The following ATG2B variants were observed in gnomAD, a reference collection of about 807,000 sequenced individuals.
ATG2B encodes the protein autophagy related 2B.
In ATG2B, 121 loss-of-function variants were observed where a neutral mutation model predicts 241.3. The observed-to-expected ratio is 0.50, with a 90% confidence interval of 0.43 to 0.58. The LOEUF (loss-of-function observed/expected upper bound fraction) is 0.58. Among genes scored for constraint, ATG2B ranks in the 20% least tolerant of loss-of-function variants. The probability of loss-of-function intolerance (pLI) is 0.00; values close to 1 mark genes in which losing one functional copy is unlikely to be tolerated. For missense variants in ATG2B, 2,306 were observed against 2,491.6 expected (o/e 0.93, Z 1.59); for synonymous variants, 858 against 876.6 (o/e 0.98, Z 0.37).
At chr14:96,305,280 TC>T (rs933015516) in intron 31 of ATG2B, among the ~76,000 whole-genome samples, 58 of 152,140 alleles carry the variant, frequency 3.8e-4, no homozygotes, top group African/African-American at 1.3e-3. Flanking sequence ...CCTCTGTCAC[TC>T]ACATGACTCA....
rs368330464 is a variant in ATG2B, at chr14:96,341,594, C to T, written c.852G>A (p.Gln284=). 4 of 1,606,496 alleles carry T rather than the reference C, an allele frequency of 2.5e-6. No homozygotes were observed. In the African/African-American group the frequency reaches 5.3e-5, roughly 21 times the overall value. The change falls in exon 6 of 42, where the codon CAG becomes CAA. Residue 284 remains glutamine (Q), a synonymous_variant. Coordinates refer to ENST00000359933, the MANE Select transcript of ATG2B (RefSeq NM_018036.7). ...CCAACCTACCAATTAACCGTCCAAT[C>T]TGCACTGGGTCAGAAGGTGCTATCT... ...LPEIAPSDPV[Q]IGRLIGRLEL...
chr14:96,331,436 G>A lies in ATG2B; in HGVS notation c.1670C>T (p.Thr557Ile). ...TGCTCGGAAAGACTTAAAATCTTCT[G>A]TTGAAAATCTTGCTGGATCAATCTT... ...IEKIDPARFS[T>I]EDFKSFRAVF... The change falls in exon 11 of 42, where the codon ACA becomes ATA. Residue 557 changes from threonine (T) to isoleucine (I), a missense_variant. By Grantham distance (89) the Thr-to-Ile change is moderately conservative. Coordinates refer to ENST00000359933, the MANE Select transcript of ATG2B (RefSeq NM_018036.7). 1 of 1,614,030 alleles carries A rather than the reference G, an allele frequency of 6.2e-7. No individual in the cohort carries two copies. Among genetic ancestry groups the A allele is most frequent in the Middle Eastern group, 1.7e-4 (1 of 6,060 alleles).
At chr14:96,311,977 T>C (rs1314606724) in intron 26 of ATG2B, 112 bp downstream of exon 26, 9 of 794,276 alleles carry the variant, frequency 1.1e-5, no homozygotes, top group Non-Finnish European at 1.0e-5. Context: ...TTAAGGATCT[T>C]TAATAAGATT....
At position 96,285,978 on chromosome 14, in the gene ATG2B, G is replaced by C; in HGVS notation, c.6014C>G (p.Thr2005Arg). 3 of 1,611,812 alleles carry C rather than the reference G, an allele frequency of 1.9e-6. No homozygotes were observed. The highest frequency in any genetic ancestry group is 2.5e-6 in the Non-Finnish European group (3 of 1,178,652). ...KAYSVVKEGI[T>R]DTAQTIYETA... ...TTCATAAATGGTCTGAGCCGTGTCT[G>C]TGATTCCCTGCGTAGAGGAGGGAGG... The change falls in exon 42 of 42, where the codon ACA (threonine) becomes AGA (arginine). Residue 2005 changes from threonine (T) to arginine (R), a missense_variant. By Grantham distance (71) the Thr-to-Arg change is moderately conservative. This residue lies in a region of ATG2B where 379 missense variants were observed against 480.4 expected (regional missense o/e 0.79). Transcript: ENST00000359933. This position sits in a 1 kb window ranked among gnomAD's most constrained non-coding sequence, Gnocchi z 4.2.
rs1254402259 is a variant in ATG2B at position 96,344,834 on chromosome 14, C to T, written c.479-78G>A. On this transcript the variant is annotated intron_variant, in intron 3 of 41. Transcript: ENST00000359933. ...AAACCTCCAAAGAAATAAATAAGTA[C>T]TAGTTTGATAAGAACTTTTGTTTAC... 38 of 576,790 alleles carry T rather than the reference C, an allele frequency of 6.6e-5. No individual in the cohort carries two copies. The East Asian group carries it at 1.1e-3, about 17-fold the overall frequency. The allele number at this position is 576,790 out of a possible 1,614,324, so 35.7% of individuals were successfully genotyped here.
At chr14:96,351,980 TAAC>T (rs1025349321) in intron 1 of ATG2B, among the ~76,000 whole-genome samples, 3 of 152,040 alleles carry the variant, frequency 2.0e-5, no homozygotes, top group Admixed American at 1.3e-4. Flanking sequence ...ACTATACACT[TAAC>T]AATAATTGTA....
intron 5 of ATG2B, 146 bp downstream of exon 5, chr14:96,342,973 A>G: frequency 9.2e-6 from 5 of 542,860 alleles, no homozygotes; most frequent in Middle Eastern, 4.7e-4. Flanking sequence ...TCTGAAACAT[A>G]TATTACCATT....
rs757998216 is a variant in ATG2B, at chr14:96,331,684, AAC to A, written c.1469-49_1469-48del. 39 of 1,379,706 alleles carry A rather than the reference AAC, an allele frequency of 2.8e-5. No homozygotes were observed. In the East Asian group the frequency reaches 9.5e-4, roughly 34 times the overall value. 85.5% of individuals were successfully genotyped at this position (1,379,706 alleles called of 1,614,324 possible). ...TATATACATAAAATTTGACACATAA[AAC>A]TATTAAAATTATAAAACATTTACTC... On this transcript the variant is annotated intron_variant, in intron 10 of 41. Transcript: ENST00000359933.
At chr14:96,340,202 C>T (rs1292425030) in intron 6 of ATG2B, among the ~76,000 whole-genome samples, 2 of 75,360 alleles carry the variant, frequency 2.7e-5, no homozygotes, top group African/African-American at 7.4e-5. Context: ...TATTCACACA[C>T]ACATCTTTGT....
intron 1 of ATG2B, among the ~76,000 whole-genome samples, chr14:96,351,920 A>G (rs1448996713): frequency 6.6e-6 from 1 of 151,954 alleles, no homozygotes; most frequent in East Asian, 1.9e-4. Flanking sequence ...AAAAAAGAAA[A>G]AAAAATTTTT....
At chr14:96,300,364 T>A (rs1384679907) in intron 34 of ATG2B, among the ~76,000 whole-genome samples, 1 of 151,828 alleles carries the variant, frequency 6.6e-6, no homozygotes, top group Non-Finnish European at 1.5e-5. Flanking sequence ...TACAAAAAAA[T>A]AAAAATAGAA....
chr14:96,298,561 G>A (rs764245781), intron 34 of ATG2B, among the ~76,000 whole-genome samples: 9 of 152,176 alleles, frequency 5.9e-5, no homozygotes, highest in Admixed American at 2.6e-4. Context: ...CAGATAAACC[G>A]TGGTATATCC....
At chr14:96,295,416 G>T in intron 35 of ATG2B, 66 bp downstream of exon 35, 4 of 1,120,092 alleles carry the variant, frequency 3.6e-6, no homozygotes, top group Non-Finnish European at 5.2e-6. Context: ...TCTCAAAAAA[G>T]CCTCATAACA....
At chr14:96,324,493 C>T (rs1004803284) in intron 15 of ATG2B, among the ~76,000 whole-genome samples, 10 of 152,162 alleles carry the variant, frequency 6.6e-5, no homozygotes, top group African/African-American at 2.4e-4. Flanking sequence ...AGAGACCAGC[C>T]TCTCCAACAT....
At chr14:96,357,230 A>C (rs1888500792) in intron 1 of ATG2B, among the ~76,000 whole-genome samples, 1 of 152,134 alleles carries the variant, frequency 6.6e-6, no homozygotes, top group Admixed American at 6.6e-5. Context: ...GACTTCTGTA[A>C]CACTTCACTC....
rs1421817788 is a variant in ATG2B, at chr14:96,306,867, G to C, written c.4353C>G (p.Leu1451=). The C allele has an allele frequency of 6.2e-7, 1 of 1,614,110 alleles. No individual in the cohort carries two copies. The highest frequency in any genetic ancestry group is 2.2e-5 in the East Asian group (1 of 44,880). The change falls in exon 30 of 42, where the codon CTC becomes CTG. Residue 1451 remains leucine (L), a synonymous_variant. Transcript: ENST00000359933. The stretch of plus-strand genomic sequence containing the variant: ...TCCCACTCTCGTCAGGAAACAGGAA[G>C]AGGTCTGAACAACATGGCTCCTGAA... ...SQIQEPCCSD[L]FLFPDESGNV...
chr14:96,357,277 G>T lies in ATG2B; in HGVS notation c.162+5538C>A, dbSNP rs1888502087. Reference sequence around the variant, plus strand: ...TTTCTGATCCTTTACAATTTAAAATGTTGGAGTTCATCTAAGTTTCATCTT... The same window carrying T: ...TTTCTGATCCTTTACAATTTAAAATTTTGGAGTTCATCTAAGTTTCATCTT... On this transcript the variant is annotated intron_variant, in intron 1 of 41. Transcript: ENST00000359933. Among the ~76,000 whole-genome samples the T allele has an allele frequency of 3.3e-5, 5 of 152,058 alleles. No homozygotes were observed. In the South Asian group the frequency reaches 1.0e-3, roughly 32 times the overall value.
intron 18 of ATG2B, among the ~76,000 whole-genome samples, 190 bp downstream of exon 18, chr14:96,321,921 AC>A (rs1322928698): frequency 6.6e-6 from 1 of 152,142 alleles, no homozygotes. Context: ...CACACCCGGC[AC>A]CACGCTAGTT....
chr14:96,322,467 TA>T (rs1280705778), intron 17 of ATG2B, 72 bp downstream of exon 17: 1 of 1,465,872 alleles, frequency 6.8e-7, no homozygotes. Context: ...TTTTTAAAAA[TA>T]AAAAATCAAA....
Sources: allele counts gnomAD v4.1 joint callset (sites outside exome capture counted in the v4.1 genomes callset), GRCh38; gene constraint gnomAD v4.1.1; regional missense constraint gnomAD v4.1.1; non-coding constraint Gnocchi (gnomAD v3.1); transcripts MANE v1.5; gene names NCBI Gene and HGNC (gene_info 2026-07-23, HGNC 2026-07-21).